FIP1L1: variants seen among roughly 807,000 people sequenced by gnomAD.
The protein encoded by FIP1L1 is pre-mRNA 3'-end-processing factor FIP1.
FIP1L1 carries 21 observed loss-of-function variants against 84.6 expected under a neutral mutation model. The observed-to-expected ratio is 0.25, with a 90% CI of 0.18 to 0.36. FIP1L1 has a LOEUF of 0.36. Ranked by LOEUF, FIP1L1 falls within the 10% of genes least tolerant of loss-of-function variation. The pLI is 1.00. For missense variants in FIP1L1, 526 were observed against 751.1 expected (o/e 0.70, Z 3.50); for synonymous variants, 263 against 242.3 (o/e 1.09, Z -0.80).
In FIP1L1 at chr4:53,412,274, A is replaced by G. The variant is rs1757581372; in HGVS notation, c.816-2341A>G. On this transcript the variant is annotated intron_variant, in intron 10 of 17. Transcript: ENST00000337488. ...TTCCTCAGAACGAGGACATTCTGTT[A>G]GATAATCATACGGCAGAGTTATCAA... Among the ~76,000 whole-genome samples, 3 of 152,256 alleles carry G rather than the reference A, an allele frequency of 2.0e-5. No homozygotes were observed. The South Asian group carries it at 6.2e-4, about 32-fold the overall frequency.
intron 10 of FIP1L1, among the ~76,000 whole-genome samples, chr4:53,405,080 G>T (rs1044127673): frequency 6.6e-6 from 1 of 152,158 alleles, no homozygotes; most frequent in Non-Finnish European, 1.5e-5. Context: ...TGAAGTCCTT[G>T]CCCATGCCTG....
At chr4:53,407,003 A>G (rs1000862506) in intron 10 of FIP1L1, among the ~76,000 whole-genome samples, 17 of 151,544 alleles carry the variant, frequency 1.1e-4, no homozygotes, top group Non-Finnish European at 1.6e-4. Flanking sequence ...TTGTGTCTCT[A>G]TTTTCTTCAG....
At chr4:53,412,340 T>G (rs1757611746) in intron 10 of FIP1L1, among the ~76,000 whole-genome samples, 1 of 152,128 alleles carries the variant, frequency 6.6e-6, no homozygotes, top group Non-Finnish European at 1.5e-5. Context: ...TTCATCTAAT[T>G]GCAGGCTGTA....
intron 13 of FIP1L1, among the ~76,000 whole-genome samples, chr4:53,439,309 T>G (rs1009840592): frequency 6.6e-6 from 1 of 152,092 alleles, no homozygotes; most frequent in African/African-American, 2.4e-5. Context: ...TTCATAAAGA[T>G]TTTTGAAACT....
Position 53,459,709 on chromosome 4 carries a change from T to C in FIP1L1, c.*260T>C. ...TGTGAATGAGTCACTTAACAGGGAATCTAAAGAGCTGTGTTAGCTGTGTAC... is the reference window on the plus strand; with the variant it reads ...TGTGAATGAGTCACTTAACAGGGAACCTAAAGAGCTGTGTTAGCTGTGTAC... On this transcript the variant is annotated 3_prime_UTR_variant, in exon 18 of 18. Transcript: ENST00000337488. 1 of 491,638 alleles carries C rather than the reference T, an allele frequency of 2.0e-6. No homozygotes were observed. The highest frequency in any genetic ancestry group is 3.7e-6 in the Non-Finnish European group (1 of 272,486). The allele number at this position is 491,638 out of a possible 1,614,324, so 30.5% of individuals were successfully genotyped here.
In FIP1L1 at chr4:53,391,125, A is replaced by G. The variant is rs1308448534; in HGVS notation, c.622A>G (p.Thr208Ala). 6.2e-7 allele frequency: 1 copy of G among 1,601,898 alleles called. No individual in the cohort carries two copies. The highest frequency in any genetic ancestry group is 1.1e-5 in the South Asian group (1 of 88,148). ...GLEVIPVTSTTNKITAEDCTM... is the reference protein window; with the variant it reads ...GLEVIPVTSTANKITAEDCTM... Reference sequence around the variant, plus strand: ...TGAAGTTATACCAGTAACCTCTACTACAAATAAAATTACGGTAATTAATAA... The same window carrying G: ...TGAAGTTATACCAGTAACCTCTACTGCAAATAAAATTACGGTAATTAATAA... Residue 208 changes from threonine (T) to alanine (A), a missense_variant, in exon 8 of 18, where the codon ACA becomes GCA. Coordinates refer to ENST00000337488, the MANE Select transcript of FIP1L1 (RefSeq NM_030917.4).
intron 10 of FIP1L1, among the ~76,000 whole-genome samples, chr4:53,412,590 T>G (rs1315635855): frequency 2.0e-5 from 3 of 152,060 alleles, no homozygotes; most frequent in African/African-American, 7.2e-5. Flanking sequence ...TAGATTCAGG[T>G]TTTGCTTTTT....
At chr4:53,420,419 A>G (rs1761900259) in intron 11 of FIP1L1, among the ~76,000 whole-genome samples, 1 of 137,882 alleles carries the variant, frequency 7.3e-6, no homozygotes, top group South Asian at 2.3e-4. Context: ...ACAAGAGTGA[A>G]ACTCCATCTC....
chr4:53,452,163 T>C (rs912966211), intron 15 of FIP1L1, among the ~76,000 whole-genome samples: 2 of 152,174 alleles, frequency 1.3e-5, no homozygotes, highest in Admixed American at 1.3e-4. Context: ...ATTACAGGCA[T>C]GAGCCACTGC....
intron 9 of FIP1L1, among the ~76,000 whole-genome samples, chr4:53,397,337 T>C (rs1183604260): frequency 6.6e-6 from 1 of 152,198 alleles, no homozygotes; most frequent in East Asian, 1.9e-4. Flanking sequence ...TAAAATTGGC[T>C]AGAGAGATCA....
In FIP1L1 at chr4:53,459,277, C is replaced by CTTTTT. The variant is rs3067115; in HGVS notation, c.1638-9_1638-5dup. 9.0e-4 allele frequency: 881 copies of CTTTTT among 974,470 alleles called. 18 individuals carry two copies. Among genetic ancestry groups the CTTTTT allele is most frequent in the South Asian group, 4.4e-3 (225 of 50,964 alleles). The allele number at this position is 974,470 out of a possible 1,614,324, so 60.4% of individuals were successfully genotyped here. A position where few individuals can be genotyped will look rare whatever the true frequency, so the allele number is the denominator to read the frequency against. ...GATTGTGTATTTAAACAGAACACAC[C>CTTTTT]TTTTTTTTTTTTTTTTTTTTCCAGT... is the stretch of plus-strand genomic sequence containing the variant. On this transcript the variant is annotated intron_variant, in intron 17 of 17. Coordinates refer to ENST00000337488, the MANE Select transcript of FIP1L1 (RefSeq NM_030917.4).
chr4:53,409,018 C>T (rs913980057), intron 10 of FIP1L1, among the ~76,000 whole-genome samples: 1 of 152,206 alleles, frequency 6.6e-6, no homozygotes, highest in African/African-American at 2.4e-5. Flanking sequence ...CTCTGTCCAG[C>T]TTTGTTCCGT....
In FIP1L1 at chr4:53,399,830, C is replaced by T. The variant is rs1458246488; in HGVS notation, c.806C>T (p.Pro269Leu). 8 of 1,609,348 alleles carry T rather than the reference C, an allele frequency of 5.0e-6. No individual in the cohort carries two copies. The African/African-American group carries it at 1.1e-4, about 22-fold the overall frequency. ...SPPSLFKTGL[P>L]PSRNSTSSQS... ...CCTTCTTTGTTCAAGACTGGGCTTC[C>T]ACCGAGCAGGTTAGTTACATAGTTA... Residue 269 changes from proline (P) to leucine (L), a missense_variant, in exon 10 of 18, where the codon CCA (proline) becomes CTA (leucine). Physicochemically the swap from Pro to Leu is moderately conservative, Grantham distance 98. Coordinates refer to ENST00000337488, the MANE Select transcript of FIP1L1 (RefSeq NM_030917.4).
intron 7 of FIP1L1, 104 bp downstream of exon 7, chr4:53,390,732 T>A: frequency 2.7e-6 from 2 of 728,510 alleles, no homozygotes; most frequent in Non-Finnish European, 2.2e-6. Flanking sequence ...ATTATAATTT[T>A]AATTGTCTTA....
At chr4:53,437,392 G>A (rs1257765372) in intron 13 of FIP1L1, among the ~76,000 whole-genome samples, 1 of 148,632 alleles carries the variant, frequency 6.7e-6, no homozygotes, top group Non-Finnish European at 1.5e-5. Flanking sequence ...ATGCCAGATG[G>A]TGTAGGCTCT....
At chr4:53,409,402 C>G (rs1010053594) in intron 10 of FIP1L1, among the ~76,000 whole-genome samples, 4 of 152,146 alleles carry the variant, frequency 2.6e-5, no homozygotes, top group African/African-American at 9.7e-5. Context: ...TCAGTCTGCC[C>G]CTACTGGGGG....
At chr4:53,383,948 C>A in intron 5 of FIP1L1, 72 bp downstream of exon 5, 1 of 1,357,084 alleles carries the variant, frequency 7.4e-7, no homozygotes, top group Admixed American at 2.4e-5. Context: ...ATATCAAACT[C>A]TCAGTGGTTG....
chr4:53,431,622 TG>T (rs1766707054), intron 13 of FIP1L1, among the ~76,000 whole-genome samples: 1 of 152,062 alleles, frequency 6.6e-6, no homozygotes, highest in Admixed American at 6.6e-5. Flanking sequence ...TGTTTTGTTT[TG>T]TTTTGTTTTC....
chr4:53,389,734 A>G, intron 5 of FIP1L1, 75 bp from the exon 6 acceptor site: 1 of 1,104,784 alleles, frequency 9.1e-7, no homozygotes, highest in Non-Finnish European at 1.3e-6. Flanking sequence ...ATTTGTTTGT[A>G]CAAATGGAAT....
Sources: allele counts gnomAD v4.1 joint callset (sites outside exome capture counted in the v4.1 genomes callset), GRCh38; gene constraint gnomAD v4.1.1; transcripts MANE v1.5; gene names NCBI Gene and HGNC (gene_info 2026-07-23, HGNC 2026-07-21).